Variants in TPTE2 observed in about 807,000 individuals in gnomAD.
The protein encoded by TPTE2 is transmembrane phosphoinositide 3-phosphatase and tensin homolog 2, also known as phosphatidylinositol 3,4,5-trisphosphate 3-phosphatase TPTE2.
TPTE2 carries 53 observed loss-of-function variants against 78.6 expected under a neutral mutation model. The ratio of observed to expected loss-of-function variants is 0.67; its 90% CI spans 0.54 to 0.85. TPTE2 has a LOEUF of 0.85. TPTE2 is among the 40% of genes least tolerant of loss of function. The probability of loss-of-function intolerance (pLI) is 0.00; values close to 1 mark genes in which losing one functional copy is unlikely to be tolerated. For missense variants in TPTE2, 461 were observed against 623.0 expected, an observed-to-expected ratio of 0.74 and a Z score of 2.77; for synonymous variants, 175 against 206.2, an observed-to-expected ratio of 0.85 and a Z score of 1.30.
the TPTE2 span, among the ~76,000 whole-genome samples, chr13:19,558,220 T>A: frequency 6.6e-6 from 1 of 152,320 alleles, no homozygotes; most frequent in East Asian, 1.9e-4. Flanking sequence ...TTGCAAAGCT[T>A]TTGTAGTATT....
chr13:19,439,508 C>T (rs1031452805), intron 13 of TPTE2, among the ~76,000 whole-genome samples: 2 of 152,244 alleles, frequency 1.3e-5, no homozygotes, highest in East Asian at 3.9e-4. Context: ...GAAGTGCTAG[C>T]ATCTCCAGAT....
At chr13:19,495,369 CCTT>C (rs1193222022) in intron 1 of TPTE2, among the ~76,000 whole-genome samples, 2 of 152,184 alleles carry the variant, frequency 1.3e-5, no homozygotes, top group Non-Finnish European at 1.5e-5. Flanking sequence ...ACTCCTATCT[CCTT>C]CTCGCTGCAA....
At chr13:19,496,839 G>A (rs1881346201) in intron 1 of TPTE2, among the ~76,000 whole-genome samples, 2 of 152,202 alleles carry the variant, frequency 1.3e-5, no homozygotes, top group African/African-American at 2.4e-5. Flanking sequence ...ACAGCTCCCA[G>A]CGTGAGCGAC....
At chr13:19,430,373 T>C (rs1876472330) in intron 17 of TPTE2, 95 bp downstream of exon 20, 4 of 926,318 alleles carry the variant, frequency 4.3e-6, no homozygotes, top group South Asian at 1.5e-5. Context: ...AATCTCTTTA[T>C]GGTGAGTGAT....
At chr13:19,497,522 A>AC (rs1367677098) in intron 1 of TPTE2, among the ~76,000 whole-genome samples, 6 of 80,968 alleles carry the variant, frequency 7.4e-5, no homozygotes, top group East Asian at 4.0e-4. Context: ...ACTGGGAGGC[A>AC]CCCCCCAGCA....
At chr13:19,449,084 A>C (rs1260539032) in intron 13 of TPTE2, among the ~76,000 whole-genome samples, 1 of 152,226 alleles carries the variant, frequency 6.6e-6, no homozygotes, top group Non-Finnish European at 1.5e-5. Context: ...TAAAAAAGTC[A>C]AATTCATAGA....
chr13:19,497,236 A>G (rs1881394648), intron 1 of TPTE2, among the ~76,000 whole-genome samples: 1 of 145,416 alleles, frequency 6.9e-6, no homozygotes, highest in South Asian at 2.5e-4. Flanking sequence ...GGCGCCCGAC[A>G]TTGCCCAGGC....
At chr13:19,451,285 AG>A in intron 10 of TPTE2, 60 bp from the exon 14 acceptor site, 1 of 1,604,466 alleles carries the variant, frequency 6.2e-7, no homozygotes, top group Non-Finnish European at 8.5e-7. Context: ...GCTATTTCCT[AG>A]GGGGAACCTA....
At chr13:19,533,351 G>C (rs1870998390) in intron 1 of TPTE2, among the ~76,000 whole-genome samples, 1 of 152,136 alleles carries the variant, frequency 6.6e-6, no homozygotes, top group African/African-American at 2.4e-5. Context: ...CCATGCAAAA[G>C]CAAGAGTTCA....
intron 1 of TPTE2, among the ~76,000 whole-genome samples, chr13:19,517,061 C>T (rs1869839265): frequency 6.6e-6 from 1 of 152,118 alleles, no homozygotes; most frequent in Admixed American, 6.5e-5. Context: ...ACCAGGGCAA[C>T]CCAAGGCAGA....
chr13:19,454,985 C>A (rs1413367300), intron 10 of TPTE2, among the ~76,000 whole-genome samples: 1 of 152,134 alleles, frequency 6.6e-6, no homozygotes, highest in Non-Finnish European at 1.5e-5. Flanking sequence ...GGATGGCTGC[C>A]CTCAAGTGCC....
upstream of TPTE2, among the ~76,000 whole-genome samples, chr13:19,538,382 G>A (rs1258079139): frequency 2.7e-5 from 4 of 150,734 alleles, no homozygotes; most frequent in Non-Finnish European, 4.4e-5. Context: ...CACCACCCCC[G>A]GCTAATTTGT....
chr13:19,460,542 T>A (rs1164706694), intron 10 of TPTE2, among the ~76,000 whole-genome samples: 4 of 152,284 alleles, frequency 2.6e-5, no homozygotes, highest in African/African-American at 9.6e-5. Context: ...TAGCCCTAGT[T>A]CTTAATTCCT....
the TPTE2 span, among the ~76,000 whole-genome samples, chr13:19,557,028 A>G: frequency 6.6e-6 from 1 of 152,352 alleles, no homozygotes; most frequent in South Asian, 2.1e-4. Flanking sequence ...TATTCTTCCC[A>G]TCTCCTGAAC....
At chr13:19,511,001 C>T (rs1410429739) in intron 1 of TPTE2, among the ~76,000 whole-genome samples, 2 of 152,096 alleles carry the variant, frequency 1.3e-5, no homozygotes, top group African/African-American at 2.4e-5. Flanking sequence ...GTGTAGGAAC[C>T]ATCATGCATT....
chr13:19,463,161 T>C (rs1188335277), intron 10 of TPTE2, among the ~76,000 whole-genome samples: 1 of 151,708 alleles, frequency 6.6e-6, no homozygotes, highest in Non-Finnish European at 1.5e-5. Flanking sequence ...TTTTTGTATT[T>C]TTTAGAGACA....
At chr13:19,444,077 G>A (rs914999216) in intron 13 of TPTE2, among the ~76,000 whole-genome samples, 6 of 152,014 alleles carry the variant, frequency 3.9e-5, no homozygotes, top group African/African-American at 1.4e-4. Context: ...GGCTGAGGCT[G>A]GCAGATAACT....
intron 1 of TPTE2, among the ~76,000 whole-genome samples, chr13:19,501,754 T>C (rs902021144): frequency 4.6e-5 from 7 of 151,864 alleles, no homozygotes; most frequent in African/African-American, 1.5e-4. Context: ...AAGGACTTCA[T>C]GTCTAAAACA....
intron 1 of TPTE2, among the ~76,000 whole-genome samples, chr13:19,519,485 T>G (rs1870016417): frequency 2.6e-5 from 4 of 152,218 alleles, no homozygotes; most frequent in Admixed American, 2.6e-4. Context: ...TCTAACTTCA[T>G]TCATTTGTAT....
Sources: allele counts gnomAD v4.1 joint callset (sites outside exome capture counted in the v4.1 genomes callset), GRCh38; gene constraint gnomAD v4.1.1; transcripts MANE v1.5; gene names NCBI Gene and HGNC (gene_info 2026-07-23, HGNC 2026-07-21).